The following CASD1 variants were observed in gnomAD, a reference collection of about 807,000 sequenced individuals.
CASD1 encodes the protein CAS1 domain sialic acid O acetyltransferase 1.
Under a neutral mutation model 100.0 loss-of-function variants are expected in CASD1, and 41 were observed. That is an observed-to-expected ratio of 0.41 (90% CI 0.32 to 0.53). The LOEUF (loss-of-function observed/expected upper bound fraction) is 0.53. Among genes scored for constraint, CASD1 ranks in the 20% least tolerant of loss-of-function variants. CASD1 has a pLI of 0.25. For synonymous variants in CASD1, 321 were observed against 315.6 expected (o/e 1.02, Z -0.18); for missense variants, 774 against 948.7 (o/e 0.82, Z 2.42).
chr7:94,515,603 T>C (rs993826984), intron 1 of CASD1, among the ~76,000 whole-genome samples: 3 of 152,078 alleles, frequency 2.0e-5, no homozygotes, highest in African/African-American at 7.2e-5. Flanking sequence ...TCCATCTCTA[T>C]AAAAACATAC....
At chr7:94,528,417 A>G (rs1794684342) in intron 5 of CASD1, among the ~76,000 whole-genome samples, 167 bp downstream of exon 5, 1 of 152,138 alleles carries the variant, frequency 6.6e-6, no homozygotes, top group Admixed American at 6.6e-5. Flanking sequence ...CATTGAGAAG[A>G]GAAGATGTAG....
the CASD1 span, chr7:94,588,200 G>T: frequency 1.9e-6 from 2 of 1,071,446 alleles, no homozygotes; most frequent in Non-Finnish European, 2.3e-6. Flanking sequence ...CCGCCATCTT[G>T]TTGTCATTGG....
chr7:94,615,411 T>C, the CASD1 span, among the ~76,000 whole-genome samples: 17 of 145,942 alleles, frequency 1.2e-4, no homozygotes, highest in Non-Finnish European at 3.0e-5. Context: ...GATAGATAGA[T>C]AGATAGATAG....
chr7:94,575,514 A>G, the CASD1 span, among the ~76,000 whole-genome samples: 2 of 151,788 alleles, frequency 1.3e-5, no homozygotes, highest in Non-Finnish European at 2.9e-5. Context: ...GAGAATGCAT[A>G]CTCTGTTTTT....
chr7:94,631,960 G>A, the CASD1 span, among the ~76,000 whole-genome samples: 3 of 152,058 alleles, frequency 2.0e-5, no homozygotes, highest in South Asian at 4.1e-4. Context: ...TATTTTCTCG[G>A]CAGCTAGAAG....
the CASD1 span, among the ~76,000 whole-genome samples, chr7:94,563,901 T>TA: frequency 6.6e-6 from 1 of 152,208 alleles, no homozygotes; most frequent in Non-Finnish European, 1.5e-5. Context: ...AAAGTGTACT[T>TA]AAGTGGCAAG....
At chr7:94,628,151 C>T in the CASD1 span, 2 of 1,401,056 alleles carry the variant, frequency 1.4e-6, no homozygotes, top group Non-Finnish European at 2.0e-6. Context: ...CACACACACA[C>T]ACACACACAC....
At chr7:94,541,991 A>G (rs1319950981) in intron 10 of CASD1, among the ~76,000 whole-genome samples, 1 of 152,196 alleles carries the variant, frequency 6.6e-6, no homozygotes, top group Non-Finnish European at 1.5e-5. Flanking sequence ...AAACGTTGGA[A>G]TAAATATTAC....
chr7:94,576,901 C>G, the CASD1 span, among the ~76,000 whole-genome samples: 1 of 152,132 alleles, frequency 6.6e-6, no homozygotes, highest in African/African-American at 2.4e-5. Flanking sequence ...ATCATTGAAC[C>G]TGAGTATGGT....
chr7:94,510,633 C>T (rs547765363), intron 1 of CASD1, among the ~76,000 whole-genome samples: 70 of 152,358 alleles, frequency 4.6e-4, no homozygotes, highest in African/African-American at 1.6e-3. Flanking sequence ...CTGCAAGGGG[C>T]ACCGCTGCCA....
chr7:94,588,076 A>G, the CASD1 span: 1 of 1,327,312 alleles, frequency 7.5e-7, no homozygotes, highest in African/African-American at 1.5e-5. Context: ...TGAATAAGTT[A>G]TCTACTCAGT....
chr7:94,560,876 C>T (rs933688089), downstream of CASD1, among the ~76,000 whole-genome samples: 12 of 152,114 alleles, frequency 7.9e-5, no homozygotes, highest in African/African-American at 2.7e-4. Context: ...GTGAACATCT[C>T]ATTCTTAGAT....
At chr7:94,628,287 C>T in the CASD1 span, 25 of 1,611,308 alleles carry the variant, frequency 1.6e-5, no homozygotes, top group Admixed American at 2.7e-4. Context: ...TTGGATATAT[C>T]GAAGCCATCC....
chr7:94,581,006 A>G, the CASD1 span, among the ~76,000 whole-genome samples: 4 of 152,316 alleles, frequency 2.6e-5, no homozygotes, highest in South Asian at 6.2e-4. Context: ...TGATTTTGCC[A>G]GAATCCCATA....
intron 17 of CASD1, among the ~76,000 whole-genome samples, chr7:94,555,130 TA>T (rs901713799): frequency 1.3e-5 from 2 of 152,124 alleles, no homozygotes; most frequent in African/African-American, 4.8e-5. Flanking sequence ...TAAGCTTTAT[TA>T]TTTGAAATAG....
chr7:94,623,906 C>T, the CASD1 span: 10 of 360,240 alleles, frequency 2.8e-5, 1 homozygote, highest in East Asian at 2.0e-4. Flanking sequence ...ATCTCACTTA[C>T]GATGGGAGTA....
At chr7:94,602,764 T>G in the CASD1 span, among the ~76,000 whole-genome samples, 1 of 152,146 alleles carries the variant, frequency 6.6e-6, no homozygotes, top group Non-Finnish European at 1.5e-5. Flanking sequence ...AAAATGTGAT[T>G]TGGAAAGAAA....
chr7:94,583,232 GATGTGAATTTTTA>G, the CASD1 span, among the ~76,000 whole-genome samples: 2 of 152,278 alleles, frequency 1.3e-5, no homozygotes, highest in Admixed American at 1.3e-4. Flanking sequence ...TAGACTTACA[GATGTGAATTTTTA>G]ATGCATACTT....
chr7:94,585,714 CCTT>C, the CASD1 span, among the ~76,000 whole-genome samples: 5 of 152,060 alleles, frequency 3.3e-5, no homozygotes, highest in Non-Finnish European at 7.4e-5. Context: ...TTAGTCTTCT[CCTT>C]CTTGGACCAA....
Sources: allele counts gnomAD v4.1 joint callset (sites outside exome capture counted in the v4.1 genomes callset), GRCh38; gene constraint gnomAD v4.1.1; transcripts MANE v1.5; gene names NCBI Gene and HGNC (gene_info 2026-07-23, HGNC 2026-07-21).